BRDT: variants seen among roughly 807,000 people sequenced by gnomAD.
The protein encoded by BRDT is bromodomain testis associated.
In BRDT, 77 loss-of-function variants were observed where a neutral mutation model predicts 113.9. The observed-to-expected ratio is 0.68, with a 90% confidence interval of 0.56 to 0.82. The LOEUF is 0.82. Among genes scored for constraint, BRDT ranks in the 40% least tolerant of loss-of-function variants. The probability of loss-of-function intolerance (pLI) is 0.00; values close to 1 mark genes in which losing one functional copy is unlikely to be tolerated. For missense variants in BRDT, 1,027 were observed against 1,105.4 expected (o/e 0.93, Z 1.01); for synonymous variants, 358 against 366.5 (o/e 0.98, Z 0.26).
At chr1:91,993,301 T>C (rs1685969319) in intron 14 of BRDT, among the ~76,000 whole-genome samples, 1 of 152,230 alleles carries the variant, frequency 6.6e-6, no homozygotes, top group African/African-American at 2.4e-5. Flanking sequence ...ACTGTCTTAT[T>C]TATCTCTGTA....
chr1:92,004,700 T>C, intron 17 of BRDT, 81 bp downstream of exon 17: 1 of 1,262,100 alleles, frequency 7.9e-7, no homozygotes, highest in Non-Finnish European at 1.1e-6. Context: ...ATTTGTTAAG[T>C]GACTATGATT....
intron 15 of BRDT, among the ~76,000 whole-genome samples, chr1:91,995,603 C>T (rs537564980): frequency 2.0e-5 from 3 of 151,754 alleles, no homozygotes; most frequent in Non-Finnish European, 2.9e-5. Context: ...GCTGGGATTA[C>T]AGGCATGTGC....
chr1:91,959,981 T>C (rs1230807433), intron 1 of BRDT, among the ~76,000 whole-genome samples: 1 of 152,104 alleles, frequency 6.6e-6, no homozygotes, highest in Non-Finnish European at 1.5e-5. Flanking sequence ...ACCTGAGCAT[T>C]GGTATTTTTA....
chr1:91,957,605 G>A (rs1413033994), intron 1 of BRDT: 1 of 152,146 alleles, frequency 6.6e-6, no homozygotes, highest in Non-Finnish European at 1.5e-5. Flanking sequence ...AGAGTGGTAC[G>A]TTTGTTACAA....
At chr1:91,967,013 G>A (rs1211755550) in intron 3 of BRDT, among the ~76,000 whole-genome samples, 3 of 152,124 alleles carry the variant, frequency 2.0e-5, no homozygotes, top group African/African-American at 7.2e-5. Context: ...AGGTTGCAGT[G>A]AGCCGAGATT....
intron 4 of BRDT, among the ~76,000 whole-genome samples, chr1:91,973,857 A>G (rs1683859446): frequency 6.6e-6 from 1 of 152,146 alleles, no homozygotes; most frequent in African/African-American, 2.4e-5. Context: ...GTCTTGTGCA[A>G]GTTTTCGAAG....
Position 91,981,774 on chromosome 1 carries a change from T to C in BRDT, c.2002+19T>C. ...GAATCAGGTTAGCTGTCCCCTTAAA[T>C]GTACCTCTGTTGATGGGAGCACTTT... On this transcript the variant is annotated intron_variant, in intron 12 of 18. Transcript: ENST00000399546. 2 of 1,594,094 alleles carry C rather than the reference T, an allele frequency of 1.3e-6. No individual in the cohort carries two copies. The highest frequency in any genetic ancestry group is 1.7e-6 in the Non-Finnish European group (2 of 1,170,144).
intron 4 of BRDT, among the ~76,000 whole-genome samples, chr1:91,972,310 G>GACAT (rs1683708036): frequency 6.6e-6 from 1 of 152,094 alleles, no homozygotes; most frequent in Non-Finnish European, 1.5e-5. Context: ...CCTTTATAGT[G>GACAT]ACATCTTAGT....
intron 3 of BRDT, among the ~76,000 whole-genome samples, chr1:91,967,509 C>T (rs1444300094): frequency 6.6e-6 from 1 of 152,168 alleles, no homozygotes; most frequent in Non-Finnish European, 1.5e-5. Context: ...AGCAATTCTC[C>T]TGCCTCAGCC....
intron 8 of BRDT, 142 bp downstream of exon 8, chr1:91,979,899 T>C (rs1470609886): frequency 4.8e-6 from 3 of 629,924 alleles, no homozygotes; most frequent in Non-Finnish European, 5.0e-6. Flanking sequence ...TTTGTAATGT[T>C]TAATAGTTTT....
At chr1:91,977,982 A>G (rs1010286749) in intron 6 of BRDT, among the ~76,000 whole-genome samples, 186 bp from the exon 7 acceptor site, 6 of 152,016 alleles carry the variant, frequency 3.9e-5, no homozygotes, top group Admixed American at 3.9e-4. Flanking sequence ...AATTCACTGG[A>G]TTTTTTTTCA....
chr1:91,992,841 A>G (rs1201477546), intron 14 of BRDT, among the ~76,000 whole-genome samples: 6 of 152,118 alleles, frequency 3.9e-5, no homozygotes. Context: ...TGGCCTTCCC[A>G]TTCCTTTTGA....
intron 12 of BRDT, among the ~76,000 whole-genome samples, chr1:91,989,995 A>C (rs985988855): frequency 1.3e-5 from 2 of 152,216 alleles, no homozygotes; most frequent in Non-Finnish European, 2.9e-5. Context: ...GGTGTTGACC[A>C]TCCGTGGTGT....
At chr1:91,996,111 G>A (rs1159906677) in intron 15 of BRDT, among the ~76,000 whole-genome samples, 1 of 152,018 alleles carries the variant, frequency 6.6e-6, no homozygotes, top group Non-Finnish European at 1.5e-5. Flanking sequence ...CAGAAGATAT[G>A]ATAGCTATAG....
chr1:91,951,143 G>A (rs1045198334), intron 1 of BRDT, among the ~76,000 whole-genome samples: 1 of 152,170 alleles, frequency 6.6e-6, no homozygotes, highest in Non-Finnish European at 1.5e-5. Context: ...AAGCCTACTG[G>A]CTAGCTAGTA....
intron 4 of BRDT, among the ~76,000 whole-genome samples, chr1:91,969,144 G>A (rs1186428850): frequency 6.6e-6 from 1 of 151,898 alleles, no homozygotes; most frequent in Non-Finnish European, 1.5e-5. Context: ...GTTTCACCAT[G>A]TTAGCCAGGA....
At chr1:91,956,741 C>A (rs561752588) in intron 1 of BRDT, among the ~76,000 whole-genome samples, 9 of 152,140 alleles carry the variant, frequency 5.9e-5, no homozygotes, top group Admixed American at 2.6e-4. Flanking sequence ...AATTTGAGAC[C>A]AGTCTGGGAA....
At chr1:91,977,746 A>G (rs1426729630) in intron 6 of BRDT, among the ~76,000 whole-genome samples, 1 of 150,646 alleles carries the variant, frequency 6.6e-6, no homozygotes, top group African/African-American at 2.4e-5. Context: ...GTGCATGCCT[A>G]TCGTTCCAGC....
intron 15 of BRDT, among the ~76,000 whole-genome samples, chr1:91,998,178 G>A (rs76557954): frequency 0.067 from 10,180 of 152,156 alleles, 401 homozygotes; most frequent in African/African-American, 0.096. Flanking sequence ...TTGCCGCCAT[G>A]AAAAGGGATG....
Sources: allele counts gnomAD v4.1 joint callset (sites outside exome capture counted in the v4.1 genomes callset), GRCh38; gene constraint gnomAD v4.1.1; transcripts MANE v1.5; gene names NCBI Gene and HGNC (gene_info 2026-07-23, HGNC 2026-07-21).